Variants in TNIK observed in about 807,000 individuals in gnomAD.
TNIK encodes the protein TRAF2 and NCK-interacting protein kinase.
TNIK carries 49 observed loss-of-function variants against 191.3 expected under a neutral mutation model. That is an observed-to-expected ratio of 0.26 (90% confidence interval 0.20 to 0.32). The LOEUF (loss-of-function observed/expected upper bound fraction) is 0.32. TNIK is among the 10% of genes least tolerant of loss of function. TNIK has a pLI of 1.00. For missense variants in TNIK, 1,155 were observed against 1,702.3 expected, an observed-to-expected ratio of 0.68 and a Z score of 5.66; for synonymous variants, 594 against 600.9, an observed-to-expected ratio of 0.99 and a Z score of 0.17.
intron 7 of TNIK, among the ~76,000 whole-genome samples, chr3:171,185,178 C>CGTGT (rs148499254): frequency 0.019 from 2,755 of 145,942 alleles, 27 homozygotes; most frequent in Admixed American, 0.032. Context: ...ATAGATTTCC[C>CGTGT]GTGTGTGTGT....
chr3:171,229,773 T>C (rs960507204), intron 2 of TNIK, among the ~76,000 whole-genome samples: 4 of 152,146 alleles, frequency 2.6e-5, no homozygotes, highest in Admixed American at 2.0e-4. Context: ...TGCCCTTTTT[T>C]TCCTCCTCAC....
chr3:171,305,402 G>T (rs1753344211), intron 2 of TNIK, among the ~76,000 whole-genome samples: 1 of 152,128 alleles, frequency 6.6e-6, no homozygotes, highest in African/African-American at 2.4e-5. Context: ...CATAGCAAAA[G>T]AAACTATCAG....
intron 10 of TNIK, among the ~76,000 whole-genome samples, chr3:171,166,814 C>T (rs1734676241): frequency 6.6e-6 from 1 of 152,164 alleles, no homozygotes; most frequent in African/African-American, 2.4e-5. Context: ...TTAAGAAAAT[C>T]ACTTGTCATA....
intron 4 of TNIK, among the ~76,000 whole-genome samples, chr3:171,209,407 C>T (rs1013702464): frequency 6.6e-6 from 1 of 151,980 alleles, no homozygotes; most frequent in African/African-American, 2.4e-5. Flanking sequence ...ATTCTTTGCT[C>T]ATTATATTAT....
rs376133727 is a variant in TNIK at position 171,094,165 on chromosome 3, C to T, written c.2592-197G>A. On this transcript the variant is annotated intron_variant, in intron 22 of 32. Transcript: ENST00000436636. The stretch of plus-strand genomic sequence containing the variant: ...TTTTTTTTTTTTTGAGAAGGAGTCT[C>T]GCCTTGTCGCCCAGGCTGGAGTGCA... Among the ~76,000 whole-genome samples, 129 of 150,724 alleles carry T rather than the reference C, an allele frequency of 8.6e-4. 1 individual carries two copies. In the South Asian group the frequency reaches 0.022, roughly 25 times the overall value.
intron 2 of TNIK, among the ~76,000 whole-genome samples, chr3:171,265,734 T>C (rs1748302020): frequency 6.6e-6 from 1 of 152,228 alleles, no homozygotes; most frequent in African/African-American, 2.4e-5. Flanking sequence ...TTAATGTAAT[T>C]AATCAAGGTT....
At chr3:171,244,269 G>T (rs1465865542) in intron 2 of TNIK, among the ~76,000 whole-genome samples, 1 of 151,988 alleles carries the variant, frequency 6.6e-6, no homozygotes, top group South Asian at 2.1e-4. Context: ...GTTTCACCAT[G>T]TTAGCCAGGA....
intron 24 of TNIK, among the ~76,000 whole-genome samples, chr3:171,086,735 T>G (rs1373463430): frequency 6.6e-6 from 1 of 152,220 alleles, no homozygotes; most frequent in Non-Finnish European, 1.5e-5. Context: ...CTCATCCAAC[T>G]GGTGTCAGTC....
chr3:171,247,762 G>A (rs1577241926), intron 2 of TNIK, among the ~76,000 whole-genome samples: 1 of 152,230 alleles, frequency 6.6e-6, no homozygotes, highest in South Asian at 2.1e-4. Context: ...TATGGTCAGA[G>A]CCAGTGCTAC....
chr3:171,425,151 G>A (rs944672743), intron 1 of TNIK, among the ~76,000 whole-genome samples: 1 of 152,058 alleles, frequency 6.6e-6, no homozygotes, highest in Non-Finnish European at 1.5e-5. Context: ...GCGTGTTTTG[G>A]AGCAAAGAAA....
intron 12 of TNIK, among the ~76,000 whole-genome samples, chr3:171,146,322 G>A (rs1731577052): frequency 6.6e-6 from 1 of 152,040 alleles, no homozygotes; most frequent in Non-Finnish European, 1.5e-5. Context: ...CCTCCTTTTG[G>A]AATGAGGAAA....
At chr3:171,140,635 G>T (rs1730689088) in intron 12 of TNIK, 126 bp from the exon 13 acceptor site, 6 of 814,032 alleles carry the variant, frequency 7.4e-6, no homozygotes, top group African/African-American at 1.7e-5. Flanking sequence ...AATGCTCCAA[G>T]GTTCTTCTCT....
At chr3:171,293,024 G>A (rs995194164) in intron 2 of TNIK, among the ~76,000 whole-genome samples, 6 of 151,926 alleles carry the variant, frequency 3.9e-5, no homozygotes, top group Non-Finnish European at 8.8e-5. Flanking sequence ...CTTTTTTCCA[G>A]GTGCCCACTG....
At chr3:171,274,533 A>G (rs1256716710) in intron 2 of TNIK, among the ~76,000 whole-genome samples, 1 of 152,228 alleles carries the variant, frequency 6.6e-6, no homozygotes, top group Non-Finnish European at 1.5e-5. Context: ...TAATATAAAA[A>G]TGTTATAATA....
chr3:171,303,838 G>C (rs1022946616), intron 2 of TNIK, among the ~76,000 whole-genome samples: 2 of 152,104 alleles, frequency 1.3e-5, no homozygotes, highest in Non-Finnish European at 1.5e-5. Flanking sequence ...ATCATTGCTA[G>C]CCTATGGTCC....
chr3:171,374,776 T>C (rs1197310969), intron 1 of TNIK, among the ~76,000 whole-genome samples: 2 of 152,182 alleles, frequency 1.3e-5, no homozygotes, highest in Non-Finnish European at 2.9e-5. Flanking sequence ...CAATAAAAAT[T>C]ACAGTAATAG....
chr3:171,240,129 C>T (rs889744704), intron 2 of TNIK, among the ~76,000 whole-genome samples: 7 of 152,158 alleles, frequency 4.6e-5, no homozygotes, highest in African/African-American at 1.4e-4. Flanking sequence ...TTCCCTGACT[C>T]CAGTGAAATT....
intron 28 of TNIK, among the ~76,000 whole-genome samples, chr3:171,079,043 T>C (rs1288400562): frequency 3.3e-5 from 5 of 152,220 alleles, no homozygotes; most frequent in Non-Finnish European, 5.9e-5. Flanking sequence ...ACACCTCCAC[T>C]TCCACCTGAG....
chr3:171,391,728 A>C (rs1321645145), intron 1 of TNIK, among the ~76,000 whole-genome samples: 2 of 152,290 alleles, frequency 1.3e-5, no homozygotes, highest in Non-Finnish European at 2.9e-5. Context: ...TATGTAATTA[A>C]ATCTGTTCTT....
Sources: allele counts gnomAD v4.1 joint callset (sites outside exome capture counted in the v4.1 genomes callset), GRCh38; gene constraint gnomAD v4.1.1; transcripts MANE v1.5; gene names NCBI Gene and HGNC (gene_info 2026-07-23, HGNC 2026-07-21).